The following CTBP2 variants were observed in gnomAD, a reference collection of about 807,000 sequenced individuals.
The protein encoded by CTBP2 is C-terminal binding protein 2, also known as C-terminal-binding protein 2.
CTBP2 carries 30 observed loss-of-function variants against 80.3 expected under a neutral mutation model. The ratio of observed to expected loss-of-function variants is 0.37; its 90% CI spans 0.28 to 0.51. CTBP2 has a LOEUF of 0.51. CTBP2 is among the 20% of genes least tolerant of loss of function. The pLI is 0.93. For synonymous variants in CTBP2, 594 were observed against 587.4 expected (o/e 1.01, Z -0.16); for missense variants, 1,212 against 1,375.3 (o/e 0.88, Z 1.88).
intron 1 of CTBP2, among the ~76,000 whole-genome samples, chr10:125,120,929 T>C (rs1180746157): frequency 3.9e-5 from 6 of 152,232 alleles, no homozygotes; most frequent in Non-Finnish European, 1.5e-5. Flanking sequence ...CAGATATCGG[T>C]TCCTTGACCC....
chr10:124,992,609 T>TA (rs760552673), intron 8 of CTBP2, 86 bp downstream of exon 10: 120 of 933,418 alleles, frequency 1.3e-4, no homozygotes, highest in Non-Finnish European at 1.7e-4. Flanking sequence ...TGCGGGAGGT[T>TA]AAGCTTCCGC....
At chr10:125,041,944 G>A (rs1959944756) in intron 2 of CTBP2, among the ~76,000 whole-genome samples, 1 of 151,044 alleles carries the variant, frequency 6.6e-6, no homozygotes, top group Non-Finnish European at 1.5e-5. Context: ...AAAAAAAAGA[G>A]GCTGACTCCC....
Position 125,028,044 on chromosome 10 carries a change from C to G in CTBP2, c.-285G>C. ...GGAGAGGAGGCTGTCCCCAGCCTGC[C>G]AGGTCCCCCTTCCTGGCTGGTGTGC... On this transcript the variant is annotated 5_prime_UTR_variant, in exon 1 of 9. Coordinates refer to ENST00000309035, the MANE Select transcript of CTBP2 (RefSeq NM_022802.3). 1 of 630,094 alleles carries G rather than the reference C, an allele frequency of 1.6e-6. No individual in the cohort carries two copies. Among genetic ancestry groups the G allele is most frequent in the Non-Finnish European group, 2.2e-6 (1 of 445,676 alleles). 39.0% of individuals were successfully genotyped at this position (630,094 alleles called of 1,614,324 possible). A position where few individuals can be genotyped will look rare whatever the true frequency, so the allele number is the denominator to read the frequency against.
At chr10:125,036,911 G>C (rs1958964253) in intron 3 of CTBP2, among the ~76,000 whole-genome samples, 1 of 152,072 alleles carries the variant, frequency 6.6e-6, no homozygotes, top group Non-Finnish European at 1.5e-5. Flanking sequence ...GTGCCACAAG[G>C]ACTAAGTCAG....
At chr10:124,993,384 C>A in intron 6 of CTBP2, 55 bp from the exon 9 acceptor site, 1 of 1,568,176 alleles carries the variant, frequency 6.4e-7, no homozygotes, top group South Asian at 1.1e-5. Context: ...ACGCTCCCTG[C>A]CCTCCTCAGC....
intron 8 of CTBP2, among the ~76,000 whole-genome samples, chr10:124,991,400 G>C (rs1255017125): frequency 1.3e-5 from 2 of 152,136 alleles, no homozygotes; most frequent in Non-Finnish European, 2.9e-5. Context: ...TGGAGACATG[G>C]AAGAGGTGGG....
chr10:125,155,379 T>C (rs1472999583), intron 1 of CTBP2, among the ~76,000 whole-genome samples: 1 of 151,596 alleles, frequency 6.6e-6, no homozygotes, highest in Non-Finnish European at 1.5e-5. Flanking sequence ...TATTGTACAT[T>C]CTGTATTCAT....
intron 1 of CTBP2, among the ~76,000 whole-genome samples, chr10:125,009,333 C>T (rs546295214): frequency 1.3e-5 from 2 of 152,182 alleles, no homozygotes; most frequent in Admixed American, 6.5e-5. Context: ...CCTAAGCAGC[C>T]GGTGTGGCTC....
chr10:125,005,068 C>T (rs1358664687), intron 1 of CTBP2, among the ~76,000 whole-genome samples: 1 of 152,232 alleles, frequency 6.6e-6, no homozygotes, highest in Non-Finnish European at 1.5e-5. Context: ...AAGGAAATCC[C>T]CCTCCACTGG....
In CTBP2 at chr10:125,026,788, C is replaced by A; in HGVS notation, c.972G>T (p.Leu324=). 1.2e-6 allele frequency: 2 copies of A among 1,613,220 alleles called. No individual in the cohort carries two copies. Among genetic ancestry groups the A allele is most frequent in the South Asian group, 2.2e-5 (2 of 91,090 alleles). Residue 324 remains leucine (L), a synonymous_variant, in exon 1 of 9, where the codon CTG becomes CTT. Coordinates refer to ENST00000309035, the MANE Select transcript of CTBP2 (RefSeq NM_022802.3). ...CGACAGACTTGATATCCGCGTCCTC[C>A]AGGGTAGCCAGGACGGCCGGGGAGT...
At position 124,985,646 on chromosome 10, in the gene CTBP2, T is replaced by G. The variant is rs1332472055; in HGVS notation, c.*3872A>C. ...CTTGTTTTGAAGAGGGTTTTGGTTTTGGTTATTGTGTCTTTAAGTTTTCTG... is the reference window on the plus strand; with the variant it reads ...CTTGTTTTGAAGAGGGTTTTGGTTTGGGTTATTGTGTCTTTAAGTTTTCTG... On this transcript the variant is annotated 3_prime_UTR_variant, in exon 9 of 9. Coordinates refer to ENST00000309035, the MANE Select transcript of CTBP2 (RefSeq NM_022802.3). 1.2e-5 allele frequency: 1 copy of G among 83,382 alleles called. No individual in the cohort carries two copies. Among genetic ancestry groups the G allele is most frequent in the African/African-American group, 3.3e-5 (1 of 30,490 alleles). 5.2% of individuals were successfully genotyped at this position (83,382 alleles called of 1,614,324 possible). A position where few individuals can be genotyped will look rare whatever the true frequency, so the allele number is the denominator to read the frequency against.
chr10:125,115,317 C>A (rs985729558), intron 1 of CTBP2, among the ~76,000 whole-genome samples: 1 of 152,170 alleles, frequency 6.6e-6, no homozygotes, highest in African/African-American at 2.4e-5. Context: ...AAGCACCGTT[C>A]ACGTTTACTG....
intron 1 of CTBP2, chr10:125,138,240 G>C (rs1857254210): frequency 1.3e-5 from 2 of 152,070 alleles, no homozygotes; most frequent in Admixed American, 6.6e-5. Flanking sequence ...AGTGTCGCCG[G>C]AGCTTCTGGT....
intron 1 of CTBP2, among the ~76,000 whole-genome samples, chr10:125,114,377 C>T (rs1852832309): frequency 6.6e-6 from 1 of 152,130 alleles, no homozygotes; most frequent in South Asian, 2.1e-4. Flanking sequence ...TGTGTACTCT[C>T]ACACATCCCA....
At chr10:125,092,922 G>A (rs1231543196) in intron 2 of CTBP2, among the ~76,000 whole-genome samples, 1 of 152,102 alleles carries the variant, frequency 6.6e-6, no homozygotes, top group Non-Finnish European at 1.5e-5. Context: ...AGTGGGGGGG[G>A]GCAGCACGTG....
chr10:125,106,652 T>A, intron 2 of CTBP2, among the ~76,000 whole-genome samples: 1 of 152,288 alleles, frequency 6.6e-6, no homozygotes, highest in African/African-American at 2.4e-5. Flanking sequence ...GTGCCCACCA[T>A]CCTGCAGATG....
intron 2 of CTBP2, among the ~76,000 whole-genome samples, chr10:125,065,611 G>C (rs1844505419): frequency 6.6e-6 from 1 of 152,148 alleles, no homozygotes; most frequent in Non-Finnish European, 1.5e-5. Context: ...GAGCTAAGGG[G>C]GCCGGAGGGA....
chr10:125,018,889 C>G (rs893032599), intron 1 of CTBP2, among the ~76,000 whole-genome samples: 1 of 152,256 alleles, frequency 6.6e-6, no homozygotes, highest in African/African-American at 2.4e-5. Flanking sequence ...AACTCAGCCA[C>G]AGGCTGCCCC....
intron 1 of CTBP2, among the ~76,000 whole-genome samples, chr10:125,153,593 C>T (rs1860392225): frequency 6.6e-6 from 1 of 152,190 alleles, no homozygotes; most frequent in Non-Finnish European, 1.5e-5. Flanking sequence ...CCCCTCTCCA[C>T]CCTCCCGCTG....
Sources: allele counts gnomAD v4.1 joint callset (sites outside exome capture counted in the v4.1 genomes callset), GRCh38; gene constraint gnomAD v4.1.1; transcripts MANE v1.5; gene names NCBI Gene and HGNC (gene_info 2026-07-23, HGNC 2026-07-21).